The following DSC2 variants were observed in gnomAD, a reference collection of about 807,000 sequenced individuals.
DSC2 encodes the protein desmocollin-2.
Under a neutral mutation model 87.6 loss-of-function variants are expected in DSC2, and 51 were observed. The ratio of observed to expected loss-of-function variants is 0.58; its 90% CI spans 0.46 to 0.74. The LOEUF is 0.74. Ranked by LOEUF, DSC2 falls within the 30% of genes least tolerant of loss-of-function variation. DSC2 has a pLI of 0.00. For missense variants in DSC2, 1,066 were observed against 1,089.5 expected, an observed-to-expected ratio of 0.98 and a Z score of 0.30; for synonymous variants, 383 against 393.2, an observed-to-expected ratio of 0.97 and a Z score of 0.31.
chr18:31,068,381 T>C (rs1406038680), intron 15 of DSC2, 169 bp from the exon 16 acceptor site: 1 of 1,585,982 alleles, frequency 6.3e-7, no homozygotes, highest in Non-Finnish European at 8.7e-7. Flanking sequence ...GTCTGTTTCA[T>C]ACATCACACT....
At chr18:31,075,711 A>G (rs1369268702) in intron 11 of DSC2, among the ~76,000 whole-genome samples, 1 of 152,092 alleles carries the variant, frequency 6.6e-6, no homozygotes, top group Non-Finnish European at 1.5e-5. Context: ...TTAGCCAGGC[A>G]TGGTGGCACA....
intron 1 of DSC2, 81 bp from the exon 2 acceptor site, chr18:31,093,724 A>T: frequency 1.5e-6 from 1 of 651,102 alleles, no homozygotes; most frequent in Non-Finnish European, 2.1e-6. Context: ...TAAATTATAA[A>T]TTTATAATGA....
chr18:31,076,112 G>A (rs1987008562), intron 11 of DSC2, among the ~76,000 whole-genome samples: 2 of 152,138 alleles, frequency 1.3e-5, no homozygotes, highest in African/African-American at 2.4e-5. Flanking sequence ...AAAACCCTGT[G>A]CCATCCACTG....
rs1986651769 is a variant in DSC2, at chr18:31,067,225, T to G, written c.*790A>C. On this transcript the variant is annotated 3_prime_UTR_variant, in exon 16 of 16. Transcript: ENST00000280904. ...AAGAGAGACAGATTTTTAAAATATT[T>G]GGATTCTTTAGCCCATATGGAAATT... is the stretch of plus-strand genomic sequence containing the variant. 6.7e-6 allele frequency: 1 copy of G among 149,462 alleles called. No homozygotes were observed. Among genetic ancestry groups the G allele is most frequent in the South Asian group, 2.1e-4 (1 of 4,776 alleles). The allele number at this position is 149,462 out of a possible 1,614,324, so 9.3% of individuals were successfully genotyped here.
chr18:31,093,473 G>T (rs751634733), intron 2 of DSC2, 86 bp downstream of exon 2: 14 of 1,030,336 alleles, frequency 1.4e-5, no homozygotes, highest in Non-Finnish European at 2.0e-5. Context: ...ACAAGATCTC[G>T]TTCCTTTTTA....
At position 31,068,032 on chromosome 18, in the gene DSC2, C is replaced by T. The variant is rs1347801062; in HGVS notation, c.2689G>A (p.Ala897Thr). The T allele has an allele frequency of 6.2e-7, 1 of 1,612,296 alleles. No individual in the cohort carries two copies. The highest frequency in any genetic ancestry group is 1.3e-5 in the African/African-American group (1 of 74,900). The change falls in exon 16 of 16, where the codon GCA becomes ACA. Residue 897 changes from alanine (A) to threonine (T), a missense_variant. Transcript: ENST00000280904. ...GAACACACTCATCTCTTCATGCATG[C>T]TTCTGCTAGTGTCCTAAATTTGGGC... is the stretch of plus-strand genomic sequence containing the variant. ...LEPKFRTLAE[A>T]CMKR is the part of the protein sequence containing the mutation.
At chr18:31,086,764 T>G (rs1274016144) in intron 6 of DSC2, 22 bp from the exon 7 acceptor site, 1 of 1,610,300 alleles carries the variant, frequency 6.2e-7, no homozygotes, top group Admixed American at 1.7e-5. Context: ...AAGTCCTTTT[T>G]AATCTCCAAA....
intron 13 of DSC2, 120 bp from the exon 14 acceptor site, chr18:31,070,970 T>G: frequency 8.0e-7 from 1 of 1,251,742 alleles, no homozygotes; most frequent in South Asian, 1.3e-5. Context: ...GAAGACAGCT[T>G]TCCTGGATTG....
Position 31,102,109 on chromosome 18 carries a change from A to G in DSC2, c.-138T>C, listed in dbSNP as rs2144874933. Reference sequence around the variant, plus strand: ...GAGGCGGAGGAGGTGGGGCGCGCGGAGAGGTGCTTTTCTTAGCTTCTCTGA... The same window carrying G: ...GAGGCGGAGGAGGTGGGGCGCGCGGGGAGGTGCTTTTCTTAGCTTCTCTGA... On this transcript the variant is annotated 5_prime_UTR_variant, in exon 1 of 16. Coordinates refer to ENST00000280904, the MANE Select transcript of DSC2 (RefSeq NM_024422.6). The G allele has an allele frequency of 1.5e-6, 1 of 689,572 alleles. No homozygotes were observed. Among genetic ancestry groups the G allele is most frequent in the African/African-American group, 1.9e-5 (1 of 52,110 alleles). The allele number at this position is 689,572 out of a possible 1,614,324, so 42.7% of individuals were successfully genotyped here.
intron 5 of DSC2, 103 bp downstream of exon 5, chr18:31,089,336 G>C: frequency 7.4e-7 from 1 of 1,346,862 alleles, no homozygotes; most frequent in Non-Finnish European, 1.1e-6. Context: ...CAGAGCATTG[G>C]TGACAAACTC....
At position 31,093,639 on chromosome 18, in the gene DSC2, A is replaced by G; in HGVS notation, c.74T>C (p.Leu25Ser). The change falls in exon 2 of 16, where the codon TTA (leucine) becomes TCA (serine). Residue 25 changes from leucine to serine, a missense_variant. Leu to Ser is a moderately radical substitution (Grantham distance 145). Coordinates refer to ENST00000280904, the MANE Select transcript of DSC2 (RefSeq NM_024422.6). ...TTTGCAGGCATCACTGGCAAATATT[A>G]AGATCTAAAAAATGAAAAAAAATCA... Reference protein sequence around the residue: ...CRLLLLTLAILIFASDACKNV... With the variant: ...CRLLLLTLAISIFASDACKNV... 1.3e-6 allele frequency: 2 copies of G among 1,579,062 alleles called. No individual in the cohort carries two copies. Among genetic ancestry groups the G allele is most frequent in the Non-Finnish European group, 1.7e-6 (2 of 1,158,418 alleles).
intron 9 of DSC2, among the ~76,000 whole-genome samples, chr18:31,081,438 G>C (rs557936410): frequency 2.0e-5 from 3 of 152,138 alleles, no homozygotes; most frequent in Non-Finnish European, 1.5e-5. Context: ...GAATACCAAG[G>C]ATTAGGGGAG....
chr18:31,073,876 G>T (rs1986915559), intron 12 of DSC2, among the ~76,000 whole-genome samples: 1 of 152,244 alleles, frequency 6.6e-6, no homozygotes, highest in African/African-American at 2.4e-5. Context: ...ATCCCAAGGA[G>T]AATACAATAG....
intron 5 of DSC2, 54 bp downstream of exon 5, chr18:31,089,385 C>A: frequency 6.2e-7 from 1 of 1,606,176 alleles, no homozygotes; most frequent in Non-Finnish European, 8.5e-7. Context: ...AAATGAGAGA[C>A]AAAATGGCCA....
chr18:31,092,363 A>C, intron 2 of DSC2, 63 bp from the exon 3 acceptor site: 1 of 1,469,482 alleles, frequency 6.8e-7, no homozygotes, highest in South Asian at 1.2e-5. Context: ...TTTAACAGTA[A>C]TGTATGCACG....
In DSC2 at chr18:31,082,369, C is replaced by G. The variant is rs1598583141; in HGVS notation, c.1132G>C (p.Val378Leu). 5 of 1,613,760 alleles carry G rather than the reference C, an allele frequency of 3.1e-6. No individual in the cohort carries two copies. Among genetic ancestry groups the G allele is most frequent in the East Asian group, 2.2e-5 (1 of 44,858 alleles). Reference sequence around the variant, plus strand: ...GTATTCACTAAGTCCTTATCCTCAACAGTAACTCGTAAGATTTCCACATCA... The same window carrying G: ...GTATTCACTAAGTCCTTATCCTCAAGAGTAACTCGTAAGATTTCCACATCA... ...TVDVEILRVT[V>L]EDKDLVNTAN... Residue 378 changes from valine to leucine, a missense_variant, in exon 9 of 16, where the codon GTT (valine) becomes CTT (leucine). Val to Leu is a conservative substitution (Grantham distance 32). Transcript: ENST00000280904.
rs1986497605 is a variant in DSC2, at chr18:31,061,384, G to C, written c.*6631C>G. ...CAAAGGTACAGTCACAAAGGGAAGA[G>C]AGAATGAAACAAAACAGCCCTTGCC... is the stretch of plus-strand genomic sequence containing the variant. On this transcript the variant is annotated 3_prime_UTR_variant, in exon 16 of 16. Transcript: ENST00000280904. 1 of 152,216 alleles carries C rather than the reference G, an allele frequency of 6.6e-6. No individual in the cohort carries two copies. The highest frequency in any genetic ancestry group is 2.4e-5 in the African/African-American group (1 of 41,458). The allele number at this position is 152,216 out of a possible 1,614,324, so 9.4% of individuals were successfully genotyped here.
chr18:31,079,300 C>A (rs527403895), intron 11 of DSC2, among the ~76,000 whole-genome samples: 1 of 152,274 alleles, frequency 6.6e-6, no homozygotes, highest in South Asian at 2.1e-4. Context: ...GTCGCCCAGG[C>A]TAGAGTGCAG....
At chr18:31,090,766 G>A (rs1283456926) in intron 4 of DSC2, among the ~76,000 whole-genome samples, 1 of 152,106 alleles carries the variant, frequency 6.6e-6, no homozygotes, top group African/African-American at 2.4e-5. Context: ...CTTAGGCTTG[G>A]CGATACCCTT....
Sources: gnomAD v4.1 joint callset for allele counts (sites outside exome capture counted in the v4.1 genomes callset) on GRCh38, gnomAD v4.1.1 for gene constraint, MANE v1.5 for transcripts, NCBI Gene and HGNC (gene_info 2026-07-23, HGNC 2026-07-21) for gene names.